CD44: variants seen among roughly 807,000 people sequenced by gnomAD.
The protein encoded by CD44 is CD44 antigen.
A neutral mutation model predicts 88.8 loss-of-function variants in CD44; 49 were observed. The ratio of observed to expected loss-of-function variants is 0.55; its 90% CI spans 0.44 to 0.70. The LOEUF is 0.70. CD44 is among the 30% of genes least tolerant of loss of function. The probability of loss-of-function intolerance (pLI) is 0.00; values close to 1 mark genes in which losing one functional copy is unlikely to be tolerated. For synonymous variants in CD44, 325 were observed against 312.3 expected, an observed-to-expected ratio of 1.04 and a Z score of -0.43; for missense variants, 883 against 913.8, an observed-to-expected ratio of 0.97 and a Z score of 0.43.
At chr11:35,203,784 C>A (rs988865140) in intron 9 of CD44, among the ~76,000 whole-genome samples, 3 of 151,618 alleles carry the variant, frequency 2.0e-5, no homozygotes, top group Admixed American at 1.3e-4. Flanking sequence ...CTGAAGACAC[C>A]TTGATGGAAT....
At chr11:35,215,612 G>A (rs192214871) in intron 15 of CD44, among the ~76,000 whole-genome samples, 12 of 152,214 alleles carry the variant, frequency 7.9e-5, no homozygotes, top group African/African-American at 1.9e-4. Flanking sequence ...GGCCAGGCAC[G>A]GTGGCTCACA....
chr11:35,229,212 C>G lies in CD44; in HGVS notation c.2108C>G (p.Ala703Gly). The change falls in exon 18 of 18, where the codon GCC becomes GGC. Residue 703 changes from alanine (A) to glycine (G), a missense_variant. Coordinates refer to ENST00000428726, the MANE Select transcript of CD44 (RefSeq NM_000610.4). ...AAGCCAAGTGGACTCAACGGAGAGG[C>G]CAGCAAGTCTCAGGAAATGGTGCAT... Reference protein sequence around the residue: ...DRKPSGLNGEASKSQEMVHLV... With the variant: ...DRKPSGLNGEGSKSQEMVHLV... The G allele has an allele frequency of 2.5e-6, 4 of 1,613,966 alleles. No individual in the cohort carries two copies. The highest frequency in any genetic ancestry group is 3.4e-6 in the Non-Finnish European group (4 of 1,179,878).
At chr11:35,211,690 G>A (rs1235962279) in intron 14 of CD44, among the ~76,000 whole-genome samples, 1 of 151,994 alleles carries the variant, frequency 6.6e-6, no homozygotes, top group Admixed American at 6.6e-5. Context: ...GTGTGTGTGT[G>A]TGTGTGTGTG....
chr11:35,224,947 T>G (rs977627655), intron 17 of CD44, among the ~76,000 whole-genome samples: 1 of 152,116 alleles, frequency 6.6e-6, no homozygotes, highest in African/African-American at 2.4e-5. Flanking sequence ...AATTTAGAAA[T>G]ATTTTCCTTC....
intron 10 of CD44, 34 bp from the exon 11 acceptor site, chr11:35,206,078 C>T (rs779044210): frequency 1.9e-6 from 3 of 1,579,586 alleles, no homozygotes; most frequent in Non-Finnish European, 1.7e-6. Context: ...CGTCCATTAA[C>T]ACTTTGACAA....
chr11:35,198,121 G>T lies in CD44; in HGVS notation c.797G>T (p.Gly266Val). Reference sequence around the variant, plus strand: ...CCACTAATGCAAGTCACCACAACAGGTACGTCTTCAAATACCATCTCAGCA... The same window carrying T: ...CCACTAATGCAAGTCACCACAACAGTTACGTCTTCAAATACCATCTCAGCA... ...NHLHTTTQMA[G>V]TSSNTISAGW... The change falls in exon 7 of 18, where the codon GGT becomes GTT. Residue 266 changes from glycine (G) to valine (V), a missense_variant and splice_region_variant. This residue lies in a region of CD44 where 631 missense variants were observed against 590.9 expected (regional missense o/e 1.07). Coordinates refer to ENST00000428726, the MANE Select transcript of CD44 (RefSeq NM_000610.4). The T allele has an allele frequency of 6.2e-7, 1 of 1,613,502 alleles. No homozygotes were observed. The highest frequency in any genetic ancestry group is 8.5e-7 in the Non-Finnish European group (1 of 1,179,606).
At chr11:35,222,607 A>G in intron 17 of CD44, 3 of 618,656 alleles carry the variant, frequency 4.8e-6, no homozygotes, top group South Asian at 7.4e-5. Context: ...TAATATATAT[A>G]TATATATATA....
intron 11 of CD44, among the ~76,000 whole-genome samples, chr11:35,206,899 C>A (rs75158369): frequency 6.6e-6 from 1 of 152,148 alleles, no homozygotes; most frequent in African/African-American, 2.4e-5. Context: ...GGGGGAAAAC[C>A]AAGCCAGGCA....
At chr11:35,181,861 T>A (rs1481693442) in intron 3 of CD44, among the ~76,000 whole-genome samples, 2 of 84,476 alleles carry the variant, frequency 2.4e-5, no homozygotes, top group Non-Finnish European at 2.1e-5. Context: ...ATATATAAAT[T>A]TATATATATA....
At chr11:35,200,324 C>T (rs1947191902) in intron 7 of CD44, among the ~76,000 whole-genome samples, 1 of 152,136 alleles carries the variant, frequency 6.6e-6, no homozygotes, top group South Asian at 2.1e-4. Context: ...CTTATTCCAG[C>T]CCTAACAGAT....
chr11:35,183,646 G>A lies in CD44; in HGVS notation c.368-3186G>A, dbSNP rs150357020. Reference sequence around the variant, plus strand: ...TTTAGCAGTATTTTTAGAAAACATGGCCTGTGGCTAACAAATGAAAATAAG... The same window carrying A: ...TTTAGCAGTATTTTTAGAAAACATGACCTGTGGCTAACAAATGAAAATAAG... On this transcript the variant is annotated intron_variant, in intron 3 of 17. Coordinates refer to ENST00000428726, the MANE Select transcript of CD44 (RefSeq NM_000610.4). Among the ~76,000 whole-genome samples the A allele has an allele frequency of 6.7e-4, 102 of 152,230 alleles. 3 individuals are homozygous for A. Among genetic ancestry groups the A allele is most frequent in the African/African-American group, 2.3e-3 (96 of 41,510 alleles).
chr11:35,157,608 A>C (rs1942073701), intron 1 of CD44, among the ~76,000 whole-genome samples: 1 of 152,140 alleles, frequency 6.6e-6, no homozygotes, highest in Non-Finnish European at 1.5e-5. Context: ...AGGAGAGTCA[A>C]TACACAGGCC....
At chr11:35,152,227 G>A (rs1301582640) in intron 1 of CD44, among the ~76,000 whole-genome samples, 1 of 152,198 alleles carries the variant, frequency 6.6e-6, no homozygotes, top group Non-Finnish European at 1.5e-5. Context: ...AAGTCAAGAA[G>A]GTTGGATTTT....
At chr11:35,153,350 C>T (rs183362740) in intron 1 of CD44, among the ~76,000 whole-genome samples, 1 of 152,094 alleles carries the variant, frequency 6.6e-6, no homozygotes, top group Non-Finnish European at 1.5e-5. Context: ...GCACTGGAGC[C>T]CTCACTGTGC....
intron 2 of CD44, among the ~76,000 whole-genome samples, chr11:35,178,021 C>G (rs1207882995): frequency 1.3e-5 from 2 of 152,108 alleles, no homozygotes; most frequent in Admixed American, 1.3e-4. Context: ...GTGTTCAGAG[C>G]TAGGTCTGGG....
At chr11:35,189,758 G>T (rs1946085799) in intron 4 of CD44, 77 bp from the exon 5 acceptor site, 5 of 942,292 alleles carry the variant, frequency 5.3e-6, no homozygotes, top group African/African-American at 1.6e-5. Flanking sequence ...TAGCTTTGAA[G>T]TCACTATGTT....
At chr11:35,222,974 A>G (rs1356967521) in intron 17 of CD44, 5 of 985,394 alleles carry the variant, frequency 5.1e-6, no homozygotes, top group Non-Finnish European at 6.0e-6. Context: ...TTCCAACACC[A>G]TGGGCAGCCC....
At chr11:35,187,669 TTC>T (rs1453624463) in intron 4 of CD44, among the ~76,000 whole-genome samples, 1 of 152,218 alleles carries the variant, frequency 6.6e-6, no homozygotes, top group Non-Finnish European at 1.5e-5. Flanking sequence ...CTGAGTCATG[TTC>T]TCTCTTATAA....
chr11:35,210,094 A>G, intron 13 of CD44, 40 bp downstream of exon 13: 1 of 1,161,052 alleles, frequency 8.6e-7, no homozygotes, highest in Non-Finnish European at 1.2e-6. Flanking sequence ...GCTATTGATA[A>G]GAATCAATCA....
Sources: gnomAD v4.1 joint callset for allele counts (sites outside exome capture counted in the v4.1 genomes callset) on GRCh38, gnomAD v4.1.1 for gene constraint, gnomAD v4.1.1 regional missense constraint, MANE v1.5 for transcripts, NCBI Gene and HGNC (gene_info 2026-07-23, HGNC 2026-07-21) for gene names.